NAV1: variants seen among roughly 807,000 people sequenced by gnomAD.
The protein encoded by NAV1 is pore membrane and/or filament interacting like protein 3.
NAV1 carries 18 observed loss-of-function variants against 175.2 expected under a neutral mutation model. That is an observed-to-expected ratio of 0.10 (90% CI 0.07 to 0.15). The LOEUF (loss-of-function observed/expected upper bound fraction) is 0.15, where lower values mean the gene tolerates loss of function less well. Ranked by LOEUF, NAV1 falls within the 10% of genes least tolerant of loss-of-function variation. The pLI, the probability that NAV1 is intolerant of heterozygous loss-of-function variation, is 1.00. For synonymous variants in NAV1, 897 were observed against 978.7 expected (o/e 0.92, Z 1.56); for missense variants, 1,731 against 2,436.6 (o/e 0.71, Z 6.10).
chr1:201,763,718 C>A (rs933464774), intron 3 of NAV1, among the ~76,000 whole-genome samples: 1 of 152,202 alleles, frequency 6.6e-6, no homozygotes. Context: ...GGCTTGGAAA[C>A]AGTCTCTCAT....
intron 1 of NAV1, among the ~76,000 whole-genome samples, chr1:201,628,399 AC>A (rs907684519): frequency 6.6e-6 from 1 of 152,052 alleles, no homozygotes; most frequent in Non-Finnish European, 1.5e-5. Flanking sequence ...GCATCTTTTC[AC>A]CCCATGATGG....
chr1:201,800,696 ACTG>A (rs1163146758), intron 15 of NAV1, among the ~76,000 whole-genome samples: 2 of 152,212 alleles, frequency 1.3e-5, no homozygotes, highest in Admixed American at 1.3e-4. Flanking sequence ...AGAGGTAAGA[ACTG>A]CTAATAGTTT....
chr1:201,668,044 G>A (rs1367015952), intron 1 of NAV1, among the ~76,000 whole-genome samples: 3 of 152,188 alleles, frequency 2.0e-5, no homozygotes, highest in African/African-American at 7.2e-5. Flanking sequence ...TGAAACCATA[G>A]CGCCCATGTC....
chr1:201,817,159 C>T (rs755257613), exon 29 of NAV1: 1 of 1,614,026 alleles, frequency 6.2e-7, no homozygotes, highest in Non-Finnish European at 8.5e-7. Context: ...GGCCATCAGC[C>T]CAACAAGACC....
intron 2 of NAV1, among the ~76,000 whole-genome samples, chr1:201,598,847 A>G (rs1487452333): frequency 6.6e-6 from 1 of 152,136 alleles, no homozygotes; most frequent in African/African-American, 2.4e-5. Flanking sequence ...GGACAGAAGT[A>G]AGTGGGAGGG....
intron 16 of NAV1, 127 bp from the exon 21 acceptor site, chr1:201,804,362 A>T: frequency 1.1e-6 from 1 of 922,686 alleles, no homozygotes; most frequent in Non-Finnish European, 1.6e-6. Flanking sequence ...TCCCCTGTTC[A>T]GTAAGACACA....
At chr1:201,589,331 G>A (rs925242471) in intron 2 of NAV1, among the ~76,000 whole-genome samples, 30 of 152,154 alleles carry the variant, frequency 2.0e-4, no homozygotes, top group Non-Finnish European at 7.3e-5. Flanking sequence ...TACAGATAGG[G>A]AAAGGAGAAG....
At chr1:201,790,901 C>G (rs1017709086) in intron 13 of NAV1, 135 bp downstream of exon 17, 2 of 746,782 alleles carry the variant, frequency 2.7e-6, no homozygotes, top group Admixed American at 5.4e-5. Context: ...TTCTTCACAG[C>G]TCTATGATAG....
chr1:201,721,090 G>A (rs542665617), intron 3 of NAV1, among the ~76,000 whole-genome samples: 13 of 152,104 alleles, frequency 8.5e-5, no homozygotes, highest in East Asian at 1.9e-4. Flanking sequence ...AGAGTTCACC[G>A]AGACTAGCAT....
chr1:201,709,152 A>T (rs1671791762), intron 1 of NAV1, among the ~76,000 whole-genome samples: 1 of 151,732 alleles, frequency 6.6e-6, no homozygotes. Context: ...CTCCAAAAAA[A>T]AAAAAAAAAC....
rs547910038 is a variant in NAV1, at chr1:201,717,894, A to T, written c.861-496A>T. Reference sequence around the variant, plus strand: ...TGGACACACCATTAACAAAATGACCAAGGCCTTCTAAGCTCAAGTGACCAG... The same window carrying T: ...TGGACACACCATTAACAAAATGACCTAGGCCTTCTAAGCTCAAGTGACCAG... On this transcript the variant is annotated intron_variant, in intron 2 of 29. Coordinates refer to ENST00000367296, the Ensembl canonical transcript of NAV1. Among the ~76,000 whole-genome samples the T allele has an allele frequency of 2.0e-5, 3 of 152,300 alleles. No individual in the cohort carries two copies. The South Asian group carries it at 6.2e-4, about 32-fold the overall frequency.
intron 1 of NAV1, among the ~76,000 whole-genome samples, chr1:201,562,250 C>T (rs1666223105): frequency 6.7e-6 from 1 of 150,334 alleles, no homozygotes; most frequent in Non-Finnish European, 1.5e-5. Context: ...AACTCCTGGG[C>T]TCAAGTGATC....
At chr1:201,776,023 T>G (rs1675914263) in intron 3 of NAV1, among the ~76,000 whole-genome samples, 2 of 152,100 alleles carry the variant, frequency 1.3e-5, no homozygotes, top group Admixed American at 6.6e-5. Context: ...ATCACCACAC[T>G]CTAGCCTGGG....
At chr1:201,745,033 C>A (rs963890324) in intron 3 of NAV1, among the ~76,000 whole-genome samples, 1 of 152,176 alleles carries the variant, frequency 6.6e-6, no homozygotes, top group Non-Finnish European at 1.5e-5. Context: ...GCTGTCCTTG[C>A]CCTTGCCATT....
At chr1:201,822,376 C>T (rs1464432894) in exon 30 of NAV1, 1 of 152,662 alleles carries the variant, frequency 6.6e-6, no homozygotes, top group Non-Finnish European at 1.5e-5. Context: ...TGGCAAGGCT[C>T]AGACTTTTAA....
chr1:201,598,407 G>A (rs767996353), intron 2 of NAV1, among the ~76,000 whole-genome samples: 7 of 152,218 alleles, frequency 4.6e-5, no homozygotes, highest in East Asian at 3.9e-4. Flanking sequence ...CCCCGTAGGA[G>A]GGTCGTTATC....
chr1:201,713,757 C>T (rs1254267584), intron 2 of NAV1, among the ~76,000 whole-genome samples: 2 of 152,120 alleles, frequency 1.3e-5, no homozygotes, highest in Non-Finnish European at 2.9e-5. Context: ...GAAGCCTCCC[C>T]AGTTAGACTG....
Position 201,812,352 on chromosome 1 carries a change from C to A in NAV1, c.5025-113C>A. ...GTCCCCACTATTACTTGAAAAGAAA[C>A]CAAGTAGGCATTAGTGAGAAGCAGG... On this transcript the variant is annotated intron_variant, in intron 26 of 29. Coordinates refer to ENST00000367296, the Ensembl canonical transcript of NAV1. The surrounding 1 kb of genome is among the most constrained non-coding windows in gnomAD (Gnocchi z 4.6). 9.4e-7 allele frequency: 1 copy of A among 1,059,608 alleles called. No homozygotes were observed. 65.6% of individuals were successfully genotyped at this position (1,059,608 alleles called of 1,614,324 possible).
rs181133075 is a variant in NAV1 at position 201,806,787 on chromosome 1, C to T, written c.3649-1166C>T. On this transcript the variant is annotated intron_variant, in intron 17 of 29. Coordinates refer to ENST00000367296, the Ensembl canonical transcript of NAV1. Reference sequence around the variant, plus strand: ...TGCACACATACTCACTCATTCATGTCTCCACCACAGCCAAGTTGGTCCTCC... The same window carrying T: ...TGCACACATACTCACTCATTCATGTTTCCACCACAGCCAAGTTGGTCCTCC... 6.7e-3 allele frequency among the ~76,000 whole-genome samples: 1,018 copies of T among 152,326 alleles called. 8 individuals carry two copies. Among genetic ancestry groups the T allele is most frequent in the Non-Finnish European group, 8.7e-3 (592 of 68,036 alleles).
Sources: allele counts gnomAD v4.1 joint callset (sites outside exome capture counted in the v4.1 genomes callset), GRCh38; gene constraint gnomAD v4.1.1; non-coding constraint Gnocchi (gnomAD v3.1); transcripts MANE v1.5; gene names NCBI Gene and HGNC (gene_info 2026-07-23, HGNC 2026-07-21).